COL5A2: variants seen among roughly 807,000 people sequenced by gnomAD.
The protein encoded by COL5A2 is collagen alpha-2(V) chain.
Under a neutral mutation model 208.2 loss-of-function variants are expected in COL5A2, and 23 were observed. The ratio of observed to expected loss-of-function variants is 0.11; its 90% CI spans 0.08 to 0.16. The LOEUF (loss-of-function observed/expected upper bound fraction) is 0.16, where lower values mean the gene tolerates loss of function less well. COL5A2 is among the 10% of genes least tolerant of loss of function. COL5A2 has a pLI of 1.00. For missense variants in COL5A2, 1,590 were observed against 1,956.4 expected (o/e 0.81, Z 3.53); for synonymous variants, 625 against 628.5 (o/e 0.99, Z 0.08).
chr2:189,130,777 G>C (rs1251010669), intron 1 of COL5A2, among the ~76,000 whole-genome samples: 1 of 151,892 alleles, frequency 6.6e-6, no homozygotes. Context: ...TTACACAAGT[G>C]CCTGTGAAAA....
the COL5A2 span, among the ~76,000 whole-genome samples, chr2:189,231,818 A>G: frequency 2.0e-5 from 3 of 151,732 alleles, no homozygotes; most frequent in Admixed American, 2.0e-4. Flanking sequence ...CTGTTCCAAC[A>G]AGACAGTCTT....
At chr2:189,076,267 G>A (rs1156677886) in intron 16 of COL5A2, among the ~76,000 whole-genome samples, 1 of 152,144 alleles carries the variant, frequency 6.6e-6, no homozygotes, top group African/African-American at 2.4e-5. Flanking sequence ...GACCATTAAT[G>A]TCAGAGTGGT....
the COL5A2 span, among the ~76,000 whole-genome samples, chr2:189,278,011 T>G: frequency 6.6e-6 from 1 of 152,034 alleles, no homozygotes; most frequent in African/African-American, 2.4e-5. Context: ...ATAGTCCCAC[T>G]CCCAGAATGC....
At chr2:189,252,214 A>T in the COL5A2 span, among the ~76,000 whole-genome samples, 11 of 152,188 alleles carry the variant, frequency 7.2e-5, no homozygotes, top group Non-Finnish European at 1.2e-4. Context: ...TGATTCCTCA[A>T]GGATCTAGAA....
chr2:189,129,753 G>A (rs538406600), intron 1 of COL5A2, among the ~76,000 whole-genome samples: 1 of 152,066 alleles, frequency 6.6e-6, no homozygotes, highest in East Asian at 1.9e-4. Context: ...TTATAATTCA[G>A]CCATTTACCA....
Position 189,079,109 on chromosome 2 carries a change from TA to T in COL5A2, c.961-3del, listed in dbSNP as rs542134887. On this transcript the variant is annotated splice_polypyrimidine_tract_variant and splice_region_variant and intron_variant, in intron 14 of 53. Transcript: ENST00000374866. ...TGGACCAGTGGGGCCAGCTTCACCC[TA>T]AAAAAAAATGAGAATACATTACAGT... 802 of 1,541,394 alleles carry T rather than the reference TA, an allele frequency of 5.2e-4. No homozygotes were observed. The highest frequency in any genetic ancestry group is 6.8e-4 in the Admixed American group (39 of 57,034).
rs763060913 is a variant in COL5A2, at chr2:189,043,292, C to T, written c.3364-34G>A. ...AGAGATATGGCATGAAAATTACTTG[C>T]TACATATTATTGTTGAGACTAAAAT... is the stretch of plus-strand genomic sequence containing the variant. On this transcript the variant is annotated intron_variant, in intron 47 of 53. Transcript: ENST00000374866. 5 of 1,469,580 alleles carry T rather than the reference C, an allele frequency of 3.4e-6. No individual in the cohort carries two copies. In the Admixed American group the frequency reaches 6.8e-5, roughly 20 times the overall value. 91.0% of individuals were successfully genotyped at this position (1,469,580 alleles called of 1,614,324 possible).
intron 52 of COL5A2, among the ~76,000 whole-genome samples, chr2:189,035,912 C>A (rs1354414961): frequency 6.6e-6 from 1 of 152,064 alleles, no homozygotes; most frequent in Admixed American, 6.6e-5. Flanking sequence ...AAAGGCCAGA[C>A]AGTTGTCTGA....
At chr2:189,290,627 T>G in the COL5A2 span, among the ~76,000 whole-genome samples, 1 of 151,370 alleles carries the variant, frequency 6.6e-6, no homozygotes, top group Admixed American at 6.6e-5. Flanking sequence ...AAAAGAGAGA[T>G]AACACATGTA....
chr2:189,264,845 T>A, the COL5A2 span, among the ~76,000 whole-genome samples: 1 of 152,188 alleles, frequency 6.6e-6, no homozygotes, highest in East Asian at 1.9e-4. Flanking sequence ...GGAAAAATAT[T>A]GCCTAAAGAG....
intron 1 of COL5A2, among the ~76,000 whole-genome samples, chr2:189,214,676 T>C (rs1317398955): frequency 6.6e-6 from 1 of 152,110 alleles, no homozygotes; most frequent in African/African-American, 2.4e-5. Context: ...GGGAGAGCAG[T>C]AGGAGGCCAG....
At chr2:189,280,093 T>C in the COL5A2 span, among the ~76,000 whole-genome samples, 3 of 152,136 alleles carry the variant, frequency 2.0e-5, no homozygotes, top group African/African-American at 4.8e-5. Flanking sequence ...AGATACCAAA[T>C]TTGGTTCCAT....
intron 1 of COL5A2, among the ~76,000 whole-genome samples, chr2:189,223,547 T>C (rs571144830): frequency 1.3e-5 from 2 of 152,254 alleles, no homozygotes; most frequent in East Asian, 1.9e-4. Flanking sequence ...CCATTCTTAA[T>C]AGCCAAAAGC....
chr2:189,387,880 G>A, the COL5A2 span, among the ~76,000 whole-genome samples: 1 of 152,164 alleles, frequency 6.6e-6, no homozygotes, highest in African/African-American at 2.4e-5. Flanking sequence ...TGCCTCCCAG[G>A]CTCAAGCCAG....
At chr2:189,297,451 A>G in the COL5A2 span, among the ~76,000 whole-genome samples, 3 of 152,180 alleles carry the variant, frequency 2.0e-5, no homozygotes, top group Non-Finnish European at 2.9e-5. Context: ...AAAATATCTC[A>G]TGTATCCCAT....
At chr2:189,305,082 T>A in the COL5A2 span, among the ~76,000 whole-genome samples, 1 of 152,166 alleles carries the variant, frequency 6.6e-6, no homozygotes, top group Non-Finnish European at 1.5e-5. Context: ...CTAACAGCAA[T>A]TTTTAACATT....
At chr2:189,122,756 A>G (rs1687531673) in intron 1 of COL5A2, among the ~76,000 whole-genome samples, 2 of 152,330 alleles carry the variant, frequency 1.3e-5, no homozygotes, top group South Asian at 4.1e-4. Flanking sequence ...AAAAAAGGTA[A>G]TAAATAAAAG....
In COL5A2 at chr2:189,139,487, T is replaced by C. The variant is rs575720332; in HGVS notation, c.98-29038A>G. ...CGTCAAAATCCTAAAAAACAAGGAA[T>C]GTCTGGAAACTGTCATAGCCAAAAG... On this transcript the variant is annotated intron_variant, in intron 1 of 53. Coordinates refer to ENST00000374866, the MANE Select transcript of COL5A2 (RefSeq NM_000393.5). Among the ~76,000 whole-genome samples, 6 of 152,150 alleles carry C rather than the reference T, an allele frequency of 3.9e-5. No individual in the cohort carries two copies. The East Asian group carries it at 1.2e-3, about 29-fold the overall frequency.
At chr2:189,110,154 A>C in intron 2 of COL5A2, 71 bp downstream of exon 2, 2 of 1,158,244 alleles carry the variant, frequency 1.7e-6, no homozygotes, top group African/African-American at 1.5e-5. Flanking sequence ...CTGAATGCTG[A>C]AAGTGAAAAA....
Sources: allele counts gnomAD v4.1 joint callset (sites outside exome capture counted in the v4.1 genomes callset), GRCh38; gene constraint gnomAD v4.1.1; transcripts MANE v1.5; gene names NCBI Gene and HGNC (gene_info 2026-07-23, HGNC 2026-07-21).